AGO3: variants seen among roughly 807,000 people sequenced by gnomAD.
The protein encoded by AGO3 is protein argonaute-3.
AGO3 carries 16 observed loss-of-function variants against 105.5 expected under a neutral mutation model. That is an observed-to-expected ratio of 0.15 (90% confidence interval 0.10 to 0.23). AGO3 has a LOEUF of 0.23. Among genes scored for constraint, AGO3 ranks in the 10% least tolerant of loss-of-function variants. AGO3 has a pLI of 1.00. For missense variants in AGO3, 534 were observed against 1,088.0 expected (o/e 0.49, Z 7.16); for synonymous variants, 340 against 367.3 (o/e 0.93, Z 0.85).
intron 14 of AGO3, among the ~76,000 whole-genome samples, chr1:36,037,022 C>T (rs1416408578): frequency 6.6e-6 from 1 of 151,780 alleles, no homozygotes; most frequent in Non-Finnish European, 1.5e-5. Flanking sequence ...TACTGCCACT[C>T]CTGTTTTTAA....
At position 36,066,689 on chromosome 1, in the gene AGO3, CTT is replaced by C. The variant is rs1258758657; in HGVS notation, c.*10948_*10949del. On this transcript the variant is annotated 3_prime_UTR_variant, in exon 19 of 19. Coordinates refer to ENST00000373191, the MANE Select transcript of AGO3 (RefSeq NM_024852.4). ...TCTCTTAAGTTAGTCCTTTAATAGT[CTT>C]TTTAGAACCAAAGAAGGAAAGACTG... 2 of 152,178 alleles carry C rather than the reference CTT, an allele frequency of 1.3e-5. No individual in the cohort carries two copies. The highest frequency in any genetic ancestry group is 3.9e-4 in the East Asian group (2 of 5,192). 9.4% of individuals were successfully genotyped at this position (152,178 alleles called of 1,614,324 possible). A position where few individuals can be genotyped will look rare whatever the true frequency, so the allele number is the denominator to read the frequency against.
At chr1:36,000,846 C>T (rs973299197) in intron 5 of AGO3, among the ~76,000 whole-genome samples, 11 of 147,476 alleles carry the variant, frequency 7.5e-5, no homozygotes, top group Non-Finnish European at 1.4e-4. Context: ...AACAGTCTCT[C>T]TTTTTTTTTT....
chr1:35,933,843 T>C (rs980262205), intron 1 of AGO3, among the ~76,000 whole-genome samples: 2 of 152,192 alleles, frequency 1.3e-5, no homozygotes, highest in Middle Eastern at 3.4e-3. Context: ...AGTTGCTCGG[T>C]GGATACACAG....
chr1:35,945,490 G>A (rs1646346732), intron 1 of AGO3, among the ~76,000 whole-genome samples: 1 of 152,136 alleles, frequency 6.6e-6, no homozygotes, highest in African/African-American at 2.4e-5. Context: ...TTTTCCAGAG[G>A]CATACGGTTT....
chr1:35,992,634 T>G (rs2148795795), intron 5 of AGO3, among the ~76,000 whole-genome samples: 1 of 152,332 alleles, frequency 6.6e-6, no homozygotes. Context: ...GGGCAGGGGC[T>G]TTGTCTGGTT....
intron 1 of AGO3, among the ~76,000 whole-genome samples, chr1:35,934,205 A>G (rs1246430244): frequency 1.3e-5 from 2 of 152,158 alleles, no homozygotes; most frequent in African/African-American, 4.8e-5. Flanking sequence ...TCTCCTGAGT[A>G]CTCATTTTTT....
intron 5 of AGO3, among the ~76,000 whole-genome samples, chr1:35,978,895 T>C (rs1646999731): frequency 6.6e-6 from 1 of 152,224 alleles, no homozygotes; most frequent in Non-Finnish European, 1.5e-5. Flanking sequence ...GTAGTATTTT[T>C]ATTATATTCT....
At chr1:36,003,816 C>A (rs1350859699) in intron 5 of AGO3, among the ~76,000 whole-genome samples, 1 of 148,910 alleles carries the variant, frequency 6.7e-6, no homozygotes, top group Non-Finnish European at 1.5e-5. Flanking sequence ...AGGGAAAACT[C>A]TCTTTAGAAT....
rs2148865568 is a variant in AGO3, at chr1:36,055,338, G to A, written c.2474+193G>A. ...AATAGAATCATGTAGTAACTTAGTT[G>A]TTTTACTACATTAATTCAAAGGAGA... On this transcript the variant is annotated intron_variant, in intron 18 of 18. Transcript: ENST00000373191. This position sits in a 1 kb window ranked among gnomAD's most constrained non-coding sequence, Gnocchi z 4.4. 1.6e-6 allele frequency: 1 copy of A among 634,300 alleles called. No homozygotes were observed. The highest frequency in any genetic ancestry group is 2.7e-5 in the East Asian group (1 of 36,446). The allele number at this position is 634,300 out of a possible 1,614,324, so 39.3% of individuals were successfully genotyped here. A position where few individuals can be genotyped will look rare whatever the true frequency, so the allele number is the denominator to read the frequency against.
chr1:35,963,035 G>A (rs191440405), intron 2 of AGO3, among the ~76,000 whole-genome samples: 30 of 152,292 alleles, frequency 2.0e-4, no homozygotes, highest in Non-Finnish European at 4.0e-4. Context: ...GGAAATAGGA[G>A]CCTCAAGGAG....
intron 16 of AGO3, among the ~76,000 whole-genome samples, chr1:36,043,057 CA>C (rs1158380114): frequency 6.6e-6 from 1 of 152,218 alleles, no homozygotes; most frequent in Non-Finnish European, 1.5e-5. Flanking sequence ...TCTCTCTAAA[CA>C]TCTAGTTTTC....
At chr1:35,931,029 C>G (rs1451736254), upstream of AGO3, 1 of 372,538 alleles carries the variant, frequency 2.7e-6, no homozygotes, top group East Asian at 3.9e-5. Context: ...GGCTCGGGGC[C>G]CAGAGGCGAG....
At chr1:36,047,615 T>G (rs1389878555) in intron 17 of AGO3, among the ~76,000 whole-genome samples, 1 of 151,954 alleles carries the variant, frequency 6.6e-6, no homozygotes, top group African/African-American at 2.4e-5. Context: ...CATGGTGGCT[T>G]ACACCTGTAA....
chr1:35,948,214 G>T (rs1646403220), intron 2 of AGO3, among the ~76,000 whole-genome samples: 1 of 148,232 alleles, frequency 6.7e-6, no homozygotes. Context: ...AAAAGGAACA[G>T]AATTTTTTTT....
At position 36,060,345 on chromosome 1, in the gene AGO3, A is replaced by T. The variant is rs1343965837; in HGVS notation, c.*4600A>T. ...CCTGACTTGCCCTTCAGCAGGAATG[A>T]CTGGCAGCGGATCTCTGTGTTCAAG... On this transcript the variant is annotated 3_prime_UTR_variant, in exon 19 of 19. Coordinates refer to ENST00000373191, the MANE Select transcript of AGO3 (RefSeq NM_024852.4). 2 of 152,224 alleles carry T rather than the reference A, an allele frequency of 1.3e-5. No individual in the cohort carries two copies. The highest frequency in any genetic ancestry group is 3.8e-4 in the East Asian group (2 of 5,202). 9.4% of individuals were successfully genotyped at this position (152,224 alleles called of 1,614,324 possible).
chr1:36,051,129 G>T lies in AGO3; in HGVS notation c.2275-3817G>T, dbSNP rs545999880. On this transcript the variant is annotated intron_variant, in intron 17 of 18. Coordinates refer to ENST00000373191, the MANE Select transcript of AGO3 (RefSeq NM_024852.4). ...TGCACCCAGCCTCAATTATTTTTTT[G>T]ATTTAATGTTGGCCAGGCTGGTCTC... Among the ~76,000 whole-genome samples the T allele has an allele frequency of 7.9e-5, 12 of 151,922 alleles. No homozygotes were observed. The South Asian group carries it at 1.9e-3, about 24-fold the overall frequency.
At chr1:36,037,174 G>A (rs990915332) in intron 14 of AGO3, among the ~76,000 whole-genome samples, 3 of 151,964 alleles carry the variant, frequency 2.0e-5, no homozygotes, top group African/African-American at 4.8e-5. Flanking sequence ...CCAACATTTC[G>A]AAAATATGAA....
At chr1:35,948,123 G>T (rs1232135716) in intron 2 of AGO3, among the ~76,000 whole-genome samples, 2 of 152,030 alleles carry the variant, frequency 1.3e-5, no homozygotes, top group Non-Finnish European at 2.9e-5. Flanking sequence ...AAAGATCTGG[G>T]GCTTGAGGGA....
At chr1:36,006,426 A>G (rs1184278664) in intron 6 of AGO3, among the ~76,000 whole-genome samples, 2 of 151,844 alleles carry the variant, frequency 1.3e-5, no homozygotes, top group Non-Finnish European at 2.9e-5. Flanking sequence ...ATATATATCT[A>G]TATATGTGCC....
Sources: gnomAD v4.1 joint callset for allele counts (sites outside exome capture counted in the v4.1 genomes callset) on GRCh38, gnomAD v4.1.1 for gene constraint, Gnocchi (gnomAD v3.1) non-coding constraint, MANE v1.5 for transcripts, NCBI Gene and HGNC (gene_info 2026-07-23, HGNC 2026-07-21) for gene names.